Variants in ORC5 observed in about 807,000 individuals in gnomAD.
ORC5 encodes the protein protein phosphatase 1, regulatory subunit 117.
ORC5 carries 39 observed loss-of-function variants against 58.8 expected under a neutral mutation model. The ratio of observed to expected loss-of-function variants is 0.66; its 90% confidence interval spans 0.51 to 0.87. ORC5 has a LOEUF of 0.87. Ranked by LOEUF, ORC5 falls within the 40% of genes least tolerant of loss-of-function variation. ORC5 has a pLI of 0.00. For synonymous variants in ORC5, 218 were observed against 177.6 expected, an observed-to-expected ratio of 1.23 and a Z score of -1.81; for missense variants, 493 against 506.3, an observed-to-expected ratio of 0.97 and a Z score of 0.25.
chr7:104,193,354 T>C (rs1032319813), intron 5 of ORC5, among the ~76,000 whole-genome samples: 8 of 152,114 alleles, frequency 5.3e-5, no homozygotes, highest in Non-Finnish European at 8.8e-5. Flanking sequence ...AAATTTCAGA[T>C]TGTTATCAGA....
intron 13 of ORC5, among the ~76,000 whole-genome samples, chr7:104,128,508 CT>C (rs879288342): frequency 0.012 from 1,734 of 149,594 alleles, 35 homozygotes; most frequent in African/African-American, 0.04. Context: ...TAATAGACTA[CT>C]TTTTTTTTTA....
chr7:104,199,810 G>A (rs1250869485), intron 3 of ORC5, among the ~76,000 whole-genome samples: 1 of 152,166 alleles, frequency 6.6e-6, no homozygotes. Context: ...ATTTGGGAGA[G>A]GCCAAGTGTG....
At chr7:104,200,596 C>T (rs1011094356) in intron 3 of ORC5, among the ~76,000 whole-genome samples, 162 bp downstream of exon 3, 2 of 152,168 alleles carry the variant, frequency 1.3e-5, no homozygotes, top group South Asian at 2.1e-4. Flanking sequence ...TTAAATGAAG[C>T]TTCCCTTGGA....
intron 12 of ORC5, among the ~76,000 whole-genome samples, chr7:104,155,293 C>T (rs188325044): frequency 5.9e-5 from 9 of 151,574 alleles, no homozygotes; most frequent in African/African-American, 1.7e-4. Flanking sequence ...TGTTTATGTT[C>T]TTATAAATGA....
intron 8 of ORC5, among the ~76,000 whole-genome samples, chr7:104,183,021 G>A (rs1160187908): frequency 1.3e-5 from 2 of 152,118 alleles, no homozygotes; most frequent in African/African-American, 2.4e-5. Flanking sequence ...TGTAATCCCA[G>A]CTACTCGAGG....
chr7:104,143,146 C>T (rs194859), intron 12 of ORC5, among the ~76,000 whole-genome samples: 93,899 of 151,912 alleles, frequency 0.62, 31,114 homozygotes, highest in African/African-American at 0.86. Context: ...AAGGCAGTTC[C>T]CCTTAGTACT....
chr7:104,154,404 A>T lies in ORC5; in HGVS notation c.1149+6668T>A, dbSNP rs895703264. 4.7e-4 allele frequency among the ~76,000 whole-genome samples: 71 copies of T among 152,150 alleles called. 1 individual carries two copies. The highest frequency in any genetic ancestry group is 1.6e-3 in the African/African-American group (67 of 41,558). ...AGAACTACTTAAGTAAAAAACTCTTATTTATTCACTTTAAGTACTTATTAG... is the reference window on the plus strand; with the variant it reads ...AGAACTACTTAAGTAAAAAACTCTTTTTTATTCACTTTAAGTACTTATTAG... On this transcript the variant is annotated intron_variant, in intron 12 of 13. Coordinates refer to ENST00000297431, the MANE Select transcript of ORC5 (RefSeq NM_002553.4).
At chr7:104,149,336 C>A (rs575668341) in intron 12 of ORC5, among the ~76,000 whole-genome samples, 4 of 152,188 alleles carry the variant, frequency 2.6e-5, no homozygotes, top group Admixed American at 1.3e-4. Flanking sequence ...GGTTTCTACA[C>A]CCTATGAAGA....
intron 1 of ORC5, among the ~76,000 whole-genome samples, chr7:104,204,877 T>C (rs1048886269): frequency 6.6e-6 from 1 of 152,120 alleles, no homozygotes; most frequent in Non-Finnish European, 1.5e-5. Context: ...AAAGTAAATA[T>C]TGTCAAAGGT....
At chr7:104,202,897 T>C (rs561653233) in intron 2 of ORC5, among the ~76,000 whole-genome samples, 17 of 152,172 alleles carry the variant, frequency 1.1e-4, no homozygotes, top group Non-Finnish European at 2.4e-4. Flanking sequence ...CTGGGGATAA[T>C]TTCAAGAAAC....
intron 5 of ORC5, among the ~76,000 whole-genome samples, chr7:104,189,045 C>T (rs1445674639): frequency 3.9e-5 from 6 of 152,040 alleles, no homozygotes; most frequent in African/African-American, 1.2e-4. Context: ...ATTACCCAGT[C>T]TCAGGTATGT....
At chr7:104,194,875 G>T (rs1238260554) in intron 5 of ORC5, among the ~76,000 whole-genome samples, 5 of 152,082 alleles carry the variant, frequency 3.3e-5, no homozygotes, top group East Asian at 1.9e-4. Flanking sequence ...TAAAAATTTT[G>T]TAAGTGCAGA....
At chr7:104,141,166 G>T (rs1378261887) in intron 12 of ORC5, among the ~76,000 whole-genome samples, 4 of 152,178 alleles carry the variant, frequency 2.6e-5, no homozygotes, top group Admixed American at 2.6e-4. Context: ...GAATTAGGAT[G>T]ATCTGCAAAA....
chr7:104,168,929 A>C (rs1316185422), intron 8 of ORC5, among the ~76,000 whole-genome samples: 1 of 152,134 alleles, frequency 6.6e-6, no homozygotes, highest in East Asian at 1.9e-4. Context: ...TAAAAATACA[A>C]AAATTAGCTG....
At position 104,136,672 on chromosome 7, in the gene ORC5, C is replaced by G. The variant is rs1328182831; in HGVS notation, c.1262+109G>C. On this transcript the variant is annotated intron_variant, in intron 13 of 13. Coordinates refer to ENST00000297431, the MANE Select transcript of ORC5 (RefSeq NM_002553.4). This position sits in a 1 kb window ranked among gnomAD's most constrained non-coding sequence, Gnocchi z 4.2. ...TCGTACAGCTTATTCATTCTTGGCA[C>G]TTAAATAGATGATTTTTTCATGTTT... is the stretch of plus-strand genomic sequence containing the variant. The G allele has an allele frequency of 1.3e-5, 9 of 691,302 alleles. 1 individual carries two copies. Among genetic ancestry groups the G allele is most frequent in the Non-Finnish European group, 2.2e-5 (9 of 401,448 alleles). The allele number at this position is 691,302 out of a possible 1,614,324, so 42.8% of individuals were successfully genotyped here. A position where few individuals can be genotyped will look rare whatever the true frequency, so the allele number is the denominator to read the frequency against.
rs1178383072 is a variant in ORC5 at position 104,136,896 on chromosome 7, A to T, written c.1150-3T>A. 6.3e-7 allele frequency: 1 copy of T among 1,590,708 alleles called. No homozygotes were observed. The highest frequency in any genetic ancestry group is 1.7e-5 in the Admixed American group (1 of 59,962). On this transcript the variant is annotated splice_polypyrimidine_tract_variant and splice_region_variant and intron_variant, in intron 12 of 13. Transcript: ENST00000297431. This position sits in a 1 kb window ranked among gnomAD's most constrained non-coding sequence, Gnocchi z 4.2. ...TGAAGGGTCACTAGAGAGGTAATCTAAAAGAGAACATTTTTATAAGAAACT... is the reference window on the plus strand; with the variant it reads ...TGAAGGGTCACTAGAGAGGTAATCTTAAAGAGAACATTTTTATAAGAAACT...
At chr7:104,128,400 G>A (rs1798462239) in intron 13 of ORC5, among the ~76,000 whole-genome samples, 1 of 152,186 alleles carries the variant, frequency 6.6e-6, no homozygotes, top group Non-Finnish European at 1.5e-5. Context: ...TAGGATCACA[G>A]GCGTGAGCCA....
chr7:104,205,844 T>C (rs562508926), intron 1 of ORC5, among the ~76,000 whole-genome samples: 102 of 152,156 alleles, frequency 6.7e-4, no homozygotes, highest in African/African-American at 2.4e-3. Context: ...ACCCCATCTC[T>C]ACAAAAAACA....
intron 1 of ORC5, 123 bp downstream of exon 1, chr7:104,207,710 T>C: frequency 5.1e-6 from 4 of 787,510 alleles, no homozygotes; most frequent in South Asian, 4.8e-5. Context: ...ACAACACCCC[T>C]ATTTAACGTA....
Sources: gnomAD v4.1 joint callset for allele counts (sites outside exome capture counted in the v4.1 genomes callset) on GRCh38, gnomAD v4.1.1 for gene constraint, Gnocchi (gnomAD v3.1) non-coding constraint, MANE v1.5 for transcripts, NCBI Gene and HGNC (gene_info 2026-07-23, HGNC 2026-07-21) for gene names.